The following SCN11A variants were observed in gnomAD, a reference collection of about 807,000 sequenced individuals.
SCN11A encodes sodium voltage-gated channel alpha subunit 11.
A neutral mutation model predicts 162.2 loss-of-function variants in SCN11A; 122 were observed. That is an observed-to-expected ratio of 0.75 (90% CI 0.65 to 0.87). SCN11A has a LOEUF of 0.87. Ranked by LOEUF, SCN11A falls within the 40% of genes least tolerant of loss-of-function variation. The pLI, the probability that SCN11A is intolerant of heterozygous loss-of-function variation, is 0.00. For synonymous variants in SCN11A, 758 were observed against 751.5 expected (o/e 1.01, Z -0.14); for missense variants, 2,015 against 2,181.6 (o/e 0.92, Z 1.52).
At position 38,908,066 on chromosome 3, in the gene SCN11A, A is replaced by C. The variant is rs776610978; in HGVS notation, c.1356T>G (p.Tyr452Ter). 6.2e-7 allele frequency: 1 copy of C among 1,613,354 alleles called. No individual in the cohort carries two copies. The highest frequency in any genetic ancestry group is 8.5e-7 in the Non-Finnish European group (1 of 1,179,832). The change falls in exon 14 of 30, where the codon TAT becomes TAG. Residue 452 changes from tyrosine (Y) to a stop codon, truncating the protein, a stop_gained. Coordinates refer to ENST00000302328, the MANE Select transcript of SCN11A (RefSeq NM_001349253.2). LOFTEE classifies it high-confidence loss of function. ...AGAGCTTTCTCTTTTTTGGGGTAAA[A>C]TATGATGTTTCAAGGGAAGTAAGTG... Reference protein sequence around the residue: ...RSSLTSLETSYFTPKKRKLFG... With the variant: ...RSSLTSLETS
chr3:38,868,922 G>C (rs1241760769), intron 26 of SCN11A, among the ~76,000 whole-genome samples: 1 of 152,140 alleles, frequency 6.6e-6, no homozygotes, highest in Non-Finnish European at 1.5e-5. Context: ...ATAGCCATGG[G>C]CCTGTCATGT....
chr3:38,900,215 G>A, intron 16 of SCN11A, 142 bp from the exon 17 acceptor site: 1 of 666,836 alleles, frequency 1.5e-6, no homozygotes, highest in Non-Finnish European at 2.5e-6. Flanking sequence ...CCATGCAATA[G>A]AAATATTTAC....
chr3:39,034,856 C>T (rs2031863242), intron 1 of SCN11A, among the ~76,000 whole-genome samples: 1 of 151,838 alleles, frequency 6.6e-6, no homozygotes, highest in African/African-American at 2.4e-5. Context: ...ACAATAACAA[C>T]AAATCAAATA....
At chr3:38,888,905 G>A (rs900575928) in intron 19 of SCN11A, among the ~76,000 whole-genome samples, 2 of 152,054 alleles carry the variant, frequency 1.3e-5, no homozygotes, top group Non-Finnish European at 2.9e-5. Context: ...TCAATCAAGG[G>A]ATGTGGTGAT....
intron 14 of SCN11A, among the ~76,000 whole-genome samples, chr3:38,906,032 T>C (rs1247438760): frequency 2.0e-5 from 3 of 152,238 alleles, no homozygotes; most frequent in Non-Finnish European, 4.4e-5. Context: ...ATCTTTTTTG[T>C]GATAAGCCAA....
intron 2 of SCN11A, among the ~76,000 whole-genome samples, chr3:38,993,391 C>G (rs2030513806): frequency 6.6e-6 from 1 of 152,218 alleles, no homozygotes; most frequent in African/African-American, 2.4e-5. Flanking sequence ...TCACTCTCCT[C>G]GGCCAGGTTA....
chr3:39,031,792 G>A (rs1390765452), intron 2 of SCN11A, among the ~76,000 whole-genome samples: 3 of 152,058 alleles, frequency 2.0e-5, no homozygotes, highest in African/African-American at 7.2e-5. Flanking sequence ...AAATTATGCG[G>A]CTTCTTAGTT....
At chr3:38,900,128 A>C (rs1559518495) in intron 16 of SCN11A, 55 bp from the exon 17 acceptor site, 3 of 1,413,090 alleles carry the variant, frequency 2.1e-6, no homozygotes, top group Non-Finnish European at 3.0e-6. Context: ...AACACTTTTA[A>C]GAATGGCCCA....
At chr3:38,850,290 C>A (rs1369755412) in intron 29 of SCN11A, 191 bp downstream of exon 29, 2 of 578,556 alleles carry the variant, frequency 3.5e-6, no homozygotes, top group African/African-American at 3.7e-5. Context: ...GTTAAGGGAA[C>A]AGAAATTACT....
chr3:38,856,157 C>G (rs2064865814), intron 28 of SCN11A, among the ~76,000 whole-genome samples: 1 of 152,188 alleles, frequency 6.6e-6, no homozygotes, highest in East Asian at 1.9e-4. Context: ...GTCTGCACCT[C>G]TAGCCCAATG....
rs1230259231 is a variant in SCN11A at position 38,850,632 on chromosome 3, T to C, written c.4176A>G (p.Lys1392=). The C allele has an allele frequency of 6.2e-7, 1 of 1,613,990 alleles. No homozygotes were observed. The highest frequency in any genetic ancestry group is 1.1e-5 in the South Asian group (1 of 91,066). ...GATGGTCAAGGATGGATTTCATGGC[T>C]TTGGGTTGGTTGTATGATTCAGCCA... ...SMMAESYNQP[K]AMKSILDHLN... The change falls in exon 29 of 30, where the codon AAA becomes AAG. Residue 1392 remains lysine, a synonymous_variant. Transcript: ENST00000302328.
intron 2 of SCN11A, among the ~76,000 whole-genome samples, chr3:38,994,381 A>G (rs1325603748): frequency 6.6e-6 from 1 of 152,334 alleles, no homozygotes; most frequent in East Asian, 1.9e-4. Context: ...AGCATAGGAA[A>G]TGTTCAGAAC....
intron 2 of SCN11A, among the ~76,000 whole-genome samples, chr3:39,005,504 CGTGTGAAA>C (rs1559571394): frequency 6.6e-6 from 1 of 152,192 alleles, no homozygotes; most frequent in Non-Finnish European, 1.5e-5. Flanking sequence ...TCTCCTACCA[CGTGTGAAA>C]GTGTTTGTGG....
chr3:38,904,599 G>A (rs1184278009), intron 15 of SCN11A, among the ~76,000 whole-genome samples: 1 of 152,058 alleles, frequency 6.6e-6, no homozygotes, highest in African/African-American at 2.4e-5. Context: ...CACCGCTGCA[G>A]GGACACATGC....
Position 38,914,976 on chromosome 3 carries a change from G to A in SCN11A, c.960-4769C>T, listed in dbSNP as rs574081985. Among the ~76,000 whole-genome samples the A allele has an allele frequency of 6.6e-5, 10 of 152,232 alleles. No individual in the cohort carries two copies. The East Asian group carries it at 1.3e-3, about 21-fold the overall frequency. ...CTCTGCCAGGTTTTGGTATCAGGAC[G>A]ATGGTGGTCTCATTGAATGATTTGG... On this transcript the variant is annotated intron_variant, in intron 11 of 29. Coordinates refer to ENST00000302328, the MANE Select transcript of SCN11A (RefSeq NM_001349253.2).
chr3:38,971,189 C>G (rs1053877072), intron 2 of SCN11A, among the ~76,000 whole-genome samples: 5 of 151,566 alleles, frequency 3.3e-5, no homozygotes, highest in African/African-American at 1.2e-4. Context: ...AGGTCTCTGT[C>G]TGCCGCCCAG....
At chr3:38,968,262 C>T (rs1293197148) in intron 2 of SCN11A, among the ~76,000 whole-genome samples, 1 of 152,208 alleles carries the variant, frequency 6.6e-6, no homozygotes, top group Non-Finnish European at 1.5e-5. Flanking sequence ...ACATGCTGCT[C>T]TCTCTCATTC....
chr3:38,847,128 C>G lies in SCN11A; in HGVS notation c.4942G>C (p.Asp1648His). The change falls in exon 30 of 30, where the codon GAC becomes CAC. Residue 1648 changes from aspartate to histidine, a missense_variant. Asp to His is a moderately conservative substitution (Grantham distance 81). Transcript: ENST00000302328. ...TQFIKYSALS[D>H]FADALPEPLR... is the part of the protein sequence containing the mutation. ...GGCTCAGGCAAGGCATCAGCAAAGT[C>G]AGAAAGGGCAGAATATTTGATAAAT... 6.2e-7 allele frequency: 1 copy of G among 1,614,192 alleles called. No homozygotes were observed.
intron 7 of SCN11A, among the ~76,000 whole-genome samples, chr3:38,931,358 C>T (rs919514677): frequency 6.6e-6 from 1 of 152,104 alleles, no homozygotes; most frequent in African/African-American, 2.4e-5. Context: ...CAAACCAGAC[C>T]TTGTAGTCAA....
Sources: gnomAD v4.1 joint callset for allele counts (sites outside exome capture counted in the v4.1 genomes callset) on GRCh38, gnomAD v4.1.1 for gene constraint, MANE v1.5 for transcripts, NCBI Gene and HGNC (gene_info 2026-07-23, HGNC 2026-07-21) for gene names.